Variants in MYRIP observed in about 807,000 individuals in gnomAD.
MYRIP encodes rab effector MyRIP.
In MYRIP, 49 loss-of-function variants were observed where a neutral mutation model predicts 98.0. That is an observed-to-expected ratio of 0.50 (90% CI 0.40 to 0.63). MYRIP has a LOEUF of 0.63. Among genes scored for constraint, MYRIP ranks in the 30% least tolerant of loss-of-function variants. MYRIP has a pLI of 0.00. For missense variants in MYRIP, 1,004 were observed against 1,058.2 expected, an observed-to-expected ratio of 0.95 and a Z score of 0.71; for synonymous variants, 404 against 409.5, an observed-to-expected ratio of 0.99 and a Z score of 0.16.
chr3:40,245,443 T>C lies in MYRIP; in HGVS notation c.2262+836T>C, dbSNP rs1046256327. Among the ~76,000 whole-genome samples the C allele has an allele frequency of 1.9e-4, 29 of 151,790 alleles. 1 individual carries two copies. Among genetic ancestry groups the C allele is most frequent in the Admixed American group, 1.3e-3 (20 of 15,244 alleles). ...GGCGGGTGGATCACAGGTCAGGAGA[T>C]CGAGACCATCCTGGCTAACACAGTG... On this transcript the variant is annotated intron_variant, in intron 13 of 16. Coordinates refer to ENST00000302541, the MANE Select transcript of MYRIP (RefSeq NM_015460.4).
chr3:40,060,614 A>AGAGAGAGAGAGAGAGAGG (rs894059877), intron 3 of MYRIP, among the ~76,000 whole-genome samples: 6 of 151,372 alleles, frequency 4.0e-5, no homozygotes, highest in African/African-American at 1.5e-4. Context: ...AGAGAGAGAG[A>AGAGAGAGAGAGAGAGAGG]GAGATTCGCT....
At chr3:39,982,689 G>A (rs1945924235) in intron 2 of MYRIP, among the ~76,000 whole-genome samples, 1 of 151,974 alleles carries the variant, frequency 6.6e-6, no homozygotes, top group Non-Finnish European at 1.5e-5. Context: ...CATTTTCTAG[G>A]GGAAGAAATG....
intron 4 of MYRIP, among the ~76,000 whole-genome samples, chr3:40,159,479 T>C (rs2125586097): frequency 6.6e-6 from 1 of 152,068 alleles, no homozygotes; most frequent in Admixed American, 6.6e-5. Flanking sequence ...TGTCTTGGAG[T>C]TGCTCTTCTC....
rs147673738 is a variant in MYRIP, at chr3:40,162,585, C to T, written c.470-145C>T. On this transcript the variant is annotated intron_variant, in intron 4 of 16. Transcript: ENST00000302541. The stretch of plus-strand genomic sequence containing the variant: ...CAAAACTGTTAGCATTATTGTGGGA[C>T]CTCATGAGTCCCTAAACCTATTTGC... The T allele has an allele frequency of 1.8e-4, 113 of 623,854 alleles. No individual in the cohort carries two copies. The East Asian group carries it at 2.6e-3, about 14-fold the overall frequency. 38.6% of individuals were successfully genotyped at this position (623,854 alleles called of 1,614,324 possible).
chr3:39,945,476 C>CAAA (rs67748992), intron 2 of MYRIP, among the ~76,000 whole-genome samples: 84 of 65,060 alleles, frequency 1.3e-3, no homozygotes, highest in Admixed American at 2.1e-3. Context: ...GACTCCATCT[C>CAAA]AAAAAAAAAA....
intron 10 of MYRIP, among the ~76,000 whole-genome samples, chr3:40,208,692 G>A (rs1951843750): frequency 6.6e-6 from 1 of 152,174 alleles, no homozygotes. Flanking sequence ...TTAGCTGGTT[G>A]ACTGTTAACT....
intron 11 of MYRIP, 44 bp downstream of exon 11, chr3:40,210,137 G>A (rs1799419): frequency 0.51 from 812,300 of 1,591,536 alleles, 213,243 homozygotes; most frequent in Non-Finnish European, 0.55. Context: ...AGCTTCTGCA[G>A]TGGGGTGTTG....
At chr3:40,068,101 A>G (rs1402114299) in intron 3 of MYRIP, among the ~76,000 whole-genome samples, 5 of 152,190 alleles carry the variant, frequency 3.3e-5, no homozygotes, top group African/African-American at 1.2e-4. Context: ...CAGTGCTCCC[A>G]TGAATGCCTT....
At chr3:39,948,778 G>A (rs1207411763) in intron 2 of MYRIP, among the ~76,000 whole-genome samples, 1 of 152,060 alleles carries the variant, frequency 6.6e-6, no homozygotes, top group Non-Finnish European at 1.5e-5. Context: ...TTGATGAAAG[G>A]CTCTGATCAA....
chr3:40,114,262 G>A (rs1949227233), intron 3 of MYRIP, among the ~76,000 whole-genome samples: 1 of 152,068 alleles, frequency 6.6e-6, no homozygotes. Flanking sequence ...ATGTACAGTT[G>A]CCTACAGTAT....
chr3:40,203,506 T>A, intron 10 of MYRIP, among the ~76,000 whole-genome samples: 1 of 151,356 alleles, frequency 6.6e-6, no homozygotes, highest in Non-Finnish European at 1.5e-5. Context: ...AATGTAAGGT[T>A]ATTGTAAAGA....
chr3:39,999,241 C>T, intron 2 of MYRIP, among the ~76,000 whole-genome samples: 1 of 152,194 alleles, frequency 6.6e-6, no homozygotes. Flanking sequence ...GTGAACAGGC[C>T]ACCTACAGAA....
At chr3:40,133,034 A>T (rs1949679783) in intron 3 of MYRIP, among the ~76,000 whole-genome samples, 1 of 152,240 alleles carries the variant, frequency 6.6e-6, no homozygotes, top group Non-Finnish European at 1.5e-5. Flanking sequence ...GTGGTCAGAG[A>T]TCTCTGTGGA....
At chr3:40,227,407 CCTCT>C (rs1276303778) in intron 11 of MYRIP, among the ~76,000 whole-genome samples, 2 of 151,258 alleles carry the variant, frequency 1.3e-5, no homozygotes, top group African/African-American at 2.4e-5. Flanking sequence ...TCTCTCTCTC[CCTCT>C]ATGTGTGTGT....
intron 12 of MYRIP, 66 bp downstream of exon 12, chr3:40,234,119 A>G: frequency 1.3e-6 from 2 of 1,495,356 alleles, no homozygotes; most frequent in Non-Finnish European, 1.8e-6. Flanking sequence ...ATGAAATTGT[A>G]GCTTATCGTG....
chr3:40,032,226 C>T (rs1281165557), intron 2 of MYRIP, among the ~76,000 whole-genome samples: 5 of 152,096 alleles, frequency 3.3e-5, no homozygotes, highest in Admixed American at 3.3e-4. Flanking sequence ...ATCTTTATTT[C>T]TGTCTTCATT....
At chr3:40,139,887 C>T (rs1468249707) in intron 3 of MYRIP, among the ~76,000 whole-genome samples, 1 of 152,128 alleles carries the variant, frequency 6.6e-6, no homozygotes, top group Non-Finnish European at 1.5e-5. Context: ...GCCAGCAGTT[C>T]CTTTTTATTG....
intron 2 of MYRIP, among the ~76,000 whole-genome samples, chr3:40,024,497 G>A (rs182979834): frequency 5.9e-5 from 9 of 152,020 alleles, no homozygotes; most frequent in Non-Finnish European, 1.0e-4. Flanking sequence ...TCTACTTCAC[G>A]TGTTTCCACT....
At chr3:40,160,475 G>T (rs1229636901) in intron 4 of MYRIP, among the ~76,000 whole-genome samples, 1 of 152,200 alleles carries the variant, frequency 6.6e-6, no homozygotes, top group Non-Finnish European at 1.5e-5. Context: ...CCCAGAGGTG[G>T]AGCCTACAGA....
Sources: gnomAD v4.1 joint callset for allele counts (sites outside exome capture counted in the v4.1 genomes callset) on GRCh38, gnomAD v4.1.1 for gene constraint, MANE v1.5 for transcripts, NCBI Gene and HGNC (gene_info 2026-07-23, HGNC 2026-07-21) for gene names.